Variants in RSRC1 observed in about 807,000 individuals in gnomAD.
RSRC1 encodes the protein arginine and serine rich coiled-coil 1.
A neutral mutation model predicts 49.1 loss-of-function variants in RSRC1; 39 were observed. That is an observed-to-expected ratio of 0.79 (90% CI 0.61 to 1.04). The LOEUF is 1.04. Ranked by LOEUF, RSRC1 falls within the 50% of genes least tolerant of loss-of-function variation. RSRC1 has a pLI of 0.00. For missense variants in RSRC1, 388 were observed against 402.4 expected (o/e 0.96, Z 0.31); for synonymous variants, 143 against 130.8 (o/e 1.09, Z -0.63).
chr3:158,516,878 C>A (rs958539229), intron 7 of RSRC1, among the ~76,000 whole-genome samples: 6 of 152,228 alleles, frequency 3.9e-5, no homozygotes, highest in Non-Finnish European at 5.9e-5. Context: ...GTCTGTCACC[C>A]CTTTCTTTGA....
At chr3:158,411,280 T>A (rs994877058) in intron 6 of RSRC1, among the ~76,000 whole-genome samples, 4 of 152,162 alleles carry the variant, frequency 2.6e-5, no homozygotes, top group African/African-American at 7.2e-5. Context: ...GTCTGTGTCC[T>A]GGCACAGGTT....
chr3:158,480,767 A>G (rs1337693756), intron 7 of RSRC1, among the ~76,000 whole-genome samples: 1 of 152,044 alleles, frequency 6.6e-6, no homozygotes, highest in Admixed American at 6.6e-5. Context: ...CTCTTAGGTT[A>G]TATTTATATT....
chr3:158,494,940 T>C (rs976946358), intron 7 of RSRC1, among the ~76,000 whole-genome samples: 1 of 152,194 alleles, frequency 6.6e-6, no homozygotes, highest in African/African-American at 2.4e-5. Context: ...AAATATAGTA[T>C]AGTAAACACA....
chr3:158,490,234 G>A (rs1192109214), intron 7 of RSRC1, among the ~76,000 whole-genome samples: 3 of 152,002 alleles, frequency 2.0e-5, no homozygotes, highest in East Asian at 1.9e-4. Flanking sequence ...ACAGGCATCC[G>A]CCACCACACC....
At chr3:158,273,224 A>G (rs2693527) in intron 4 of RSRC1, among the ~76,000 whole-genome samples, 59,037 of 151,784 alleles carry the variant, frequency 0.39, 12,363 homozygotes, top group East Asian at 0.64. Context: ...AGTTTTTATT[A>G]TTGGAGGGTT....
intron 4 of RSRC1, among the ~76,000 whole-genome samples, chr3:158,207,382 A>G (rs145678350): frequency 1.1e-4 from 16 of 152,198 alleles, no homozygotes; most frequent in Admixed American, 3.9e-4. Context: ...ATTATATTTA[A>G]TTATCTTCAC....
chr3:158,424,463 C>T (rs541886307), intron 6 of RSRC1, among the ~76,000 whole-genome samples: 1 of 150,908 alleles, frequency 6.6e-6, no homozygotes, highest in African/African-American at 2.4e-5. Context: ...TTTTGATGTG[C>T]TGCTGGATTC....
intron 3 of RSRC1, 30 bp downstream of exon 3, chr3:158,124,021 TA>T: frequency 6.9e-7 from 1 of 1,444,946 alleles, no homozygotes; most frequent in Non-Finnish European, 9.3e-7. Context: ...TATTGCTTTG[TA>T]ACAAATTATT....
At chr3:158,210,004 AC>A (rs1721573717) in intron 4 of RSRC1, among the ~76,000 whole-genome samples, 1 of 152,050 alleles carries the variant, frequency 6.6e-6, no homozygotes, top group Non-Finnish European at 1.5e-5. Flanking sequence ...TATTCCCTCT[AC>A]CTAGTGATTG....
intron 7 of RSRC1, among the ~76,000 whole-genome samples, chr3:158,530,895 A>T (rs1360119398): frequency 0.031 from 2,145 of 68,956 alleles, 59 homozygotes; most frequent in African/African-American, 0.091. Context: ...AGAGTATAAT[A>T]AAAAAAAAAA....
chr3:158,201,498 A>T (rs530782777), intron 3 of RSRC1, among the ~76,000 whole-genome samples: 14 of 152,246 alleles, frequency 9.2e-5, no homozygotes, highest in African/African-American at 2.9e-4. Flanking sequence ...CATGTTAGGC[A>T]TTTGAATCTT....
intron 5 of RSRC1, among the ~76,000 whole-genome samples, chr3:158,314,843 C>T (rs747135685): frequency 9.2e-5 from 14 of 151,982 alleles, no homozygotes; most frequent in Non-Finnish European, 1.6e-4. Context: ...AATGGTGAAA[C>T]CAAAATGGTG....
chr3:158,154,411 T>G (rs1406764151), intron 3 of RSRC1, among the ~76,000 whole-genome samples: 1 of 151,978 alleles, frequency 6.6e-6, no homozygotes, highest in Non-Finnish European at 1.5e-5. Context: ...CTTTTTTAAA[T>G]GAAAGATTTC....
chr3:158,272,842 T>C (rs1725596525), intron 4 of RSRC1, among the ~76,000 whole-genome samples: 1 of 152,052 alleles, frequency 6.6e-6, no homozygotes, highest in African/African-American at 2.4e-5. Context: ...TTATCAGTTA[T>C]TTACATTTTC....
chr3:158,199,204 T>C (rs1156376513), intron 3 of RSRC1, among the ~76,000 whole-genome samples: 1 of 151,874 alleles, frequency 6.6e-6, no homozygotes, highest in African/African-American at 2.4e-5. Flanking sequence ...CTCCTTGCCT[T>C]CCACCATGAT....
intron 3 of RSRC1, among the ~76,000 whole-genome samples, chr3:158,145,902 TG>T (rs1487939076): frequency 6.6e-6 from 1 of 152,216 alleles, no homozygotes; most frequent in Non-Finnish European, 1.5e-5. Flanking sequence ...CAATTGTGAA[TG>T]GGAGTTCACT....
chr3:158,268,442 G>T (rs539981673), intron 4 of RSRC1, among the ~76,000 whole-genome samples: 1 of 151,988 alleles, frequency 6.6e-6, no homozygotes, highest in African/African-American at 2.4e-5. Flanking sequence ...CTGCATTTCC[G>T]TTTTACATTT....
At chr3:158,329,877 T>C (rs1366265570) in intron 5 of RSRC1, among the ~76,000 whole-genome samples, 1 of 152,178 alleles carries the variant, frequency 6.6e-6, no homozygotes. Flanking sequence ...TGAGGTGGGC[T>C]CCACCCAGTT....
chr3:158,180,955 CCACCACGCCCGG>C (rs2108252344), intron 3 of RSRC1, among the ~76,000 whole-genome samples: 1 of 152,006 alleles, frequency 6.6e-6, no homozygotes, highest in Admixed American at 6.6e-5. Context: ...CAGGCGCCCA[CCACCACGCCCGG>C]CTAATTTTTT....
Sources: gnomAD v4.1 joint callset for allele counts (sites outside exome capture counted in the v4.1 genomes callset) on GRCh38, gnomAD v4.1.1 for gene constraint, MANE v1.5 for transcripts, NCBI Gene and HGNC (gene_info 2026-07-23, HGNC 2026-07-21) for gene names.